The following CHD3 variants were observed in gnomAD, a reference collection of about 807,000 sequenced individuals.
CHD3 encodes the protein ATP-dependent chromatin remodeler CHD3.
Under a neutral mutation model 248.9 loss-of-function variants are expected in CHD3, and 52 were observed. That is an observed-to-expected ratio of 0.21 (90% CI 0.17 to 0.26). The LOEUF (loss-of-function observed/expected upper bound fraction) is 0.26. Among genes scored for constraint, CHD3 ranks in the 10% least tolerant of loss-of-function variants. The pLI is 1.00. For synonymous variants in CHD3, 985 were observed against 985.2 expected (o/e 1.00, Z 0.00); for missense variants, 1,482 against 2,605.8 (o/e 0.57, Z 9.39).
In CHD3 at chr17:7,906,859, G is replaced by A; in HGVS notation, c.4504-10G>A. 1 of 1,613,960 alleles carries A rather than the reference G, an allele frequency of 6.2e-7. No homozygotes were observed. Among genetic ancestry groups the A allele is most frequent in the Non-Finnish European group, 8.5e-7 (1 of 1,179,946 alleles). On this transcript the variant is annotated splice_polypyrimidine_tract_variant and intron_variant, in intron 29 of 39. Coordinates refer to ENST00000330494, the MANE Select transcript of CHD3 (RefSeq NM_001005273.3). The surrounding 1 kb of genome is among the most constrained non-coding windows in gnomAD (Gnocchi z 5.0). ...AGCTGACACCTAACCCTCCCACCCTGCCACCCCAGGTGCAGGAGTTTGAGC... is the reference window on the plus strand; with the variant it reads ...AGCTGACACCTAACCCTCCCACCCTACCACCCCAGGTGCAGGAGTTTGAGC...
chr17:7,906,006 C>A lies in CHD3; in HGVS notation c.4358+17C>A. 2 of 1,613,174 alleles carry A rather than the reference C, an allele frequency of 1.2e-6. No homozygotes were observed. Among genetic ancestry groups the A allele is most frequent in the Non-Finnish European group, 1.7e-6 (2 of 1,179,438 alleles). On this transcript the variant is annotated intron_variant, in intron 28 of 39. Transcript: ENST00000330494. The surrounding 1 kb of genome is among the most constrained non-coding windows in gnomAD (Gnocchi z 5.0). ...GGAGTTTAAGTGAGTGTGGGTGATA[C>A]AGGGCTGAGTTGGACGCAAGGGGAA...
chr17:7,888,723 T>G, upstream of CHD3: 2 of 873,526 alleles, frequency 2.3e-6, no homozygotes, highest in Non-Finnish European at 3.1e-6. Flanking sequence ...TGTGTGTGGG[T>G]GTGGGTGCGC....
At position 7,906,895 on chromosome 17, in the gene CHD3, G is replaced by C; in HGVS notation, c.4530G>C (p.Gly1510=). The change falls in exon 30 of 40, where the codon GGG becomes GGC. Residue 1510 remains glycine (G), a synonymous_variant. Transcript: ENST00000330494. The surrounding 1 kb of genome is among the most constrained non-coding windows in gnomAD (Gnocchi z 5.0). ...TGCAGGAGTTTGAGCACATCAATGG[G>C]CGTTGGTCAATGCCGGAACTGATGC... The part of the protein sequence containing the change: ...KKVQEFEHIN[G]RWSMPELMPD... 1.2e-6 allele frequency: 2 copies of C among 1,614,074 alleles called. No homozygotes were observed. Among genetic ancestry groups the C allele is most frequent in the Non-Finnish European group, 1.7e-6 (2 of 1,179,994 alleles).
At chr17:7,887,773 C>T (rs1174719658), upstream of CHD3, among the ~76,000 whole-genome samples, 1 of 152,242 alleles carries the variant, frequency 6.6e-6, no homozygotes, top group Non-Finnish European at 1.5e-5. Flanking sequence ...TCCCTGCCTC[C>T]CTGAGATCCG....
At position 7,904,001 on chromosome 17, in the gene CHD3, T is replaced by C. The variant is rs763793148; in HGVS notation, c.3894+10T>C. 60 of 1,612,714 alleles carry C rather than the reference T, an allele frequency of 3.7e-5. No homozygotes were observed. Among genetic ancestry groups the C allele is most frequent in the Non-Finnish European group, 4.7e-5 (55 of 1,179,268 alleles). ...GCGGGAAGAAGACAAGGTGAGAGGC[T>C]TTGGGGGCCAGACATTATCTATCCC... On this transcript the variant is annotated intron_variant, in intron 24 of 39. Coordinates refer to ENST00000330494, the MANE Select transcript of CHD3 (RefSeq NM_001005273.3). The surrounding 1 kb of genome is among the most constrained non-coding windows in gnomAD (Gnocchi z 4.4).
chr17:7,894,680 C>A, intron 8 of CHD3, 72 bp downstream of exon 8: 2 of 1,501,264 alleles, frequency 1.3e-6, no homozygotes, highest in African/African-American at 2.8e-5. Context: ...GTTTCACTTA[C>A]CCTCTTCCTG....
In CHD3 at chr17:7,889,701, T is replaced by C. The variant is rs1415197938; in HGVS notation, c.138T>C (p.Gly46=). Reference sequence around the variant, plus strand: ...TTCGGCTGCTGCCGTCAGCATTGGGTGTGAAGAAGAGAAAACGAGGACCCA... The same window carrying C: ...TTCGGCTGCTGCCGTCAGCATTGGGCGTGAAGAAGAGAAAACGAGGACCCA... ...DDIRLLPSAL[G]VKKRKRGPKK... The change falls in exon 2 of 40, where the codon GGT becomes GGC. Residue 46 remains glycine (G), a synonymous_variant. Coordinates refer to ENST00000330494, the MANE Select transcript of CHD3 (RefSeq NM_001005273.3). This position sits in a 1 kb window ranked among gnomAD's most constrained non-coding sequence, Gnocchi z 4.5. The C allele has an allele frequency of 6.2e-7, 1 of 1,613,382 alleles. No individual in the cohort carries two copies. The highest frequency in any genetic ancestry group is 1.3e-5 in the African/African-American group (1 of 74,954).
In CHD3 at chr17:7,889,172, T is replaced by C; in HGVS notation, c.100+72T>C. ...GGATGTCAGGGCCCCAGGGTGTTAG[T>C]GTGAGAACCCAGGTGTCCACCTTTG... On this transcript the variant is annotated intron_variant, in intron 1 of 39. Transcript: ENST00000330494. This position sits in a 1 kb window ranked among gnomAD's most constrained non-coding sequence, Gnocchi z 4.5. 1.3e-6 allele frequency: 2 copies of C among 1,592,472 alleles called. No homozygotes were observed. Among genetic ancestry groups the C allele is most frequent in the South Asian group, 1.1e-5 (1 of 89,924 alleles).
chr17:7,889,612 C>T lies in CHD3; in HGVS notation c.101-52C>T. The T allele has an allele frequency of 6.5e-7, 1 of 1,529,608 alleles. No individual in the cohort carries two copies. 94.8% of individuals were successfully genotyped at this position (1,529,608 alleles called of 1,614,324 possible). A position where few individuals can be genotyped will look rare whatever the true frequency, so the allele number is the denominator to read the frequency against. On this transcript the variant is annotated intron_variant, in intron 1 of 39. Transcript: ENST00000330494. The surrounding 1 kb of genome is among the most constrained non-coding windows in gnomAD (Gnocchi z 4.5). The stretch of plus-strand genomic sequence containing the variant: ...GGGGAAGGGGCAAGTTGAGGGGCCT[C>T]AGAGGCTGGAAACCTAGAGGCTTAG...
chr17:7,888,668 G>T, upstream of CHD3: 1 of 363,552 alleles, frequency 2.8e-6, no homozygotes, highest in Non-Finnish European at 4.3e-6. Context: ...ACCTATCCCT[G>T]CTGAAGCAGG....
Position 7,898,579 on chromosome 17 carries a change from G to C in CHD3, c.2135G>C (p.Ser712Thr), listed in dbSNP as rs771984924. The C allele has an allele frequency of 1.2e-6, 2 of 1,613,462 alleles. No homozygotes were observed. The highest frequency in any genetic ancestry group is 1.7e-6 in the Non-Finnish European group (2 of 1,179,442). The change falls in exon 13 of 40, where the codon AGT (serine) becomes ACT (threonine). Residue 712 changes from serine (S) to threonine (T), a missense_variant. Transcript: ENST00000330494. Reference protein sequence around the residue: ...KKELQGDGPPSSPTNDPTVKY... With the variant: ...KKELQGDGPPTSPTNDPTVKY... ...GAGCTACAGGGTGATGGGCCTCCCA[G>C]TTCTCCCACTAATGATGTGAGTCCT...
chr17:7,893,389 T>C lies in CHD3; in HGVS notation c.613T>C (p.Ser205Pro). The change falls in exon 5 of 40, where the codon TCA becomes CCA. Residue 205 changes from serine (S) to proline (P), a missense_variant. This residue lies in a region of CHD3 where 149 missense variants were observed against 182.6 expected (regional missense o/e 0.82). Transcript: ENST00000330494. The part of the protein sequence containing the change: ...EFSANNPFKG[S>P]AAAVAAAAAA... ...CAGTGCCAACAACCCCTTCAAGGGG[T>C]CAGCAGCTGCTGTGGCGGCGGCAGC... The C allele has an allele frequency of 6.2e-7, 1 of 1,613,474 alleles. No individual in the cohort carries two copies. Among genetic ancestry groups the C allele is most frequent in the Non-Finnish European group, 8.5e-7 (1 of 1,179,832 alleles).
Position 7,895,320 on chromosome 17 carries a change from G to A in CHD3, c.1504-19G>A. ...TCTGCCTCTTTCTTTCCTCCTCCTT[G>A]TACGTGTCCATCCCAAAGTGCCCCG... On this transcript the variant is annotated intron_variant, in intron 9 of 39. Coordinates refer to ENST00000330494, the MANE Select transcript of CHD3 (RefSeq NM_001005273.3). This position sits in a 1 kb window ranked among gnomAD's most constrained non-coding sequence, Gnocchi z 4.9. 1.2e-6 allele frequency: 2 copies of A among 1,613,460 alleles called. No homozygotes were observed. Among genetic ancestry groups the A allele is most frequent in the Non-Finnish European group, 1.7e-6 (2 of 1,179,670 alleles).
At position 7,895,754 on chromosome 17, in the gene CHD3, A is replaced by G. The variant is rs1969552206; in HGVS notation, c.1707+212A>G. Among the ~76,000 whole-genome samples, 1 of 152,022 alleles carries G rather than the reference A, an allele frequency of 6.6e-6. No individual in the cohort carries two copies. Among genetic ancestry groups the G allele is most frequent in the Non-Finnish European group, 1.5e-5 (1 of 67,990 alleles). ...GTCTCCGTTAGCTTCCTTCCCTCAG[A>G]TATAGCATAGCCTTTCCTAACTTCA... On this transcript the variant is annotated intron_variant, in intron 10 of 39. Coordinates refer to ENST00000330494, the MANE Select transcript of CHD3 (RefSeq NM_001005273.3). The surrounding 1 kb of genome is among the most constrained non-coding windows in gnomAD (Gnocchi z 4.9).
Position 7,907,661 on chromosome 17 carries a change from G to T in CHD3, c.4985G>T (p.Arg1662Met). 6.5e-7 allele frequency: 1 copy of T among 1,535,796 alleles called. No homozygotes were observed. The highest frequency in any genetic ancestry group is 8.7e-7 in the Non-Finnish European group (1 of 1,148,720). ...EEKPLDGQEH[R>M]ERPEGETGDL... ...AAGCCGTTGGATGGACAGGAACACA[G>T]GGAGAGGCCGGAGGGGGAAACAGGG... The change falls in exon 33 of 40, where the codon AGG becomes ATG. Residue 1662 changes from arginine (R) to methionine (M), a missense_variant. Physicochemically the swap from Arg to Met is moderately conservative, Grantham distance 91 (BLOSUM62 -1). Transcript: ENST00000330494. The surrounding 1 kb of genome is among the most constrained non-coding windows in gnomAD (Gnocchi z 4.3).
rs201932618 is a variant in CHD3, at chr17:7,893,852, C to T, written c.841C>T (p.Arg281Cys). The change falls in exon 6 of 40, where the codon CGC (arginine) becomes TGC (cysteine). Residue 281 changes from arginine to cysteine, a missense_variant. Around this residue, in one of 20 missense-constraint regions of CHD3, gnomAD observed 149 missense variants for 182.6 expected, o/e 0.82. Coordinates refer to ENST00000330494, the MANE Select transcript of CHD3 (RefSeq NM_001005273.3). ...TAAGAGCCCCCGAGTGCCTGATGGA[C>T]GCAAGAAGCTTCGGGGAAAGAAAAT... ...RSKSPRVPDG[R>C]KKLRGKKMAP... is the part of the protein sequence containing the mutation. 8.7e-5 allele frequency: 140 copies of T among 1,613,898 alleles called. 1 individual carries two copies. Among genetic ancestry groups the T allele is most frequent in the South Asian group, 1.8e-4 (16 of 91,068 alleles).
rs1414784665 is a variant in CHD3, at chr17:7,910,904, GCACC to G, written c.5814_5817del (p.Pro1939Ter). On this transcript the variant is annotated frameshift_variant, in exon 39 of 40. Coordinates refer to ENST00000330494, the MANE Select transcript of CHD3 (RefSeq NM_001005273.3). LOFTEE classifies it high-confidence loss of function. The surrounding 1 kb of genome is among the most constrained non-coding windows in gnomAD (Gnocchi z 4.7). ...GGGGTACGGGGCGGCCTTCAGCGCC[GCACC>G]CGTAGGGGCCCTGGCCGCCGCAGGC... 1 of 1,613,348 alleles carries G rather than the reference GCACC, an allele frequency of 6.2e-7. No individual in the cohort carries two copies. Among genetic ancestry groups the G allele is most frequent in the Non-Finnish European group, 8.5e-7 (1 of 1,179,812 alleles).
chr17:7,894,071 T>C, intron 6 of CHD3, 44 bp from the exon 7 acceptor site: 1 of 1,475,526 alleles, frequency 6.8e-7, no homozygotes, highest in Non-Finnish European at 9.1e-7. Flanking sequence ...GGGGAGGGCG[T>C]AGAATGAAGT....
In CHD3 at chr17:7,888,932, T is replaced by C; in HGVS notation, c.-69T>C. 1 of 1,609,296 alleles carries C rather than the reference T, an allele frequency of 6.2e-7. No homozygotes were observed. The highest frequency in any genetic ancestry group is 1.1e-5 in the South Asian group (1 of 90,550). Reference sequence around the variant, plus strand: ...AGGGAGCAGGGAGATGGGAATAGAATTGAAGGTAGGTTTTAGGCTACTTGG... The same window carrying C: ...AGGGAGCAGGGAGATGGGAATAGAACTGAAGGTAGGTTTTAGGCTACTTGG... On this transcript the variant is annotated 5_prime_UTR_variant, in exon 1 of 40. Transcript: ENST00000330494.
Sources: gnomAD v4.1 joint callset for allele counts (sites outside exome capture counted in the v4.1 genomes callset) on GRCh38, gnomAD v4.1.1 for gene constraint, gnomAD v4.1.1 regional missense constraint, Gnocchi (gnomAD v3.1) non-coding constraint, MANE v1.5 for transcripts, NCBI Gene and HGNC (gene_info 2026-07-23, HGNC 2026-07-21) for gene names.